The following PTPN12 variants were observed in gnomAD, a reference collection of about 807,000 sequenced individuals.
PTPN12 encodes tyrosine-protein phosphatase non-receptor type 12.
PTPN12 carries 29 observed loss-of-function variants against 97.6 expected under a neutral mutation model. The ratio of observed to expected loss-of-function variants is 0.30; its 90% confidence interval spans 0.22 to 0.41. The LOEUF is 0.41. PTPN12 is among the 10% of genes least tolerant of loss of function. PTPN12 has a pLI of 1.00. For synonymous variants in PTPN12, 327 were observed against 300.4 expected (o/e 1.09, Z -0.91); for missense variants, 819 against 926.0 (o/e 0.88, Z 1.50).
At chr7:77,615,891 C>T (rs1314671695) in intron 11 of PTPN12, among the ~76,000 whole-genome samples, 1 of 152,144 alleles carries the variant, frequency 6.6e-6, no homozygotes, top group Admixed American at 6.6e-5. Context: ...AGTCCAGTGA[C>T]CAGGAGGTTT....
chr7:77,589,503 TGTA>T (rs1349441670), intron 5 of PTPN12, among the ~76,000 whole-genome samples: 1 of 152,174 alleles, frequency 6.6e-6, no homozygotes, highest in Non-Finnish European at 1.5e-5. Flanking sequence ...TTAATACTAA[TGTA>T]GTTAATATAT....
At position 77,618,165 on chromosome 7, in the gene PTPN12, G is replaced by A. The variant is rs188294660; in HGVS notation, c.940-315G>A. ...TAGTGGTAGTGATGGCGGGGCGGGG[G>A]GATACTACGTTCTTTAATCCACATT... is the stretch of plus-strand genomic sequence containing the variant. On this transcript the variant is annotated intron_variant, in intron 11 of 17. Transcript: ENST00000248594. Among the ~76,000 whole-genome samples, 159 of 151,932 alleles carry A rather than the reference G, an allele frequency of 1.0e-3. 1 individual carries two copies. Among genetic ancestry groups the A allele is most frequent in the African/African-American group, 3.7e-3 (153 of 41,396 alleles).
At chr7:77,584,876 C>CAAAAA (rs932401569) in intron 4 of PTPN12, among the ~76,000 whole-genome samples, 2 of 88,596 alleles carry the variant, frequency 2.3e-5, no homozygotes, top group Admixed American at 1.2e-4. Context: ...GACTCCGTCT[C>CAAAAA]AAAAAAAAAA....
At chr7:77,601,283 T>C (rs531157583) in intron 8 of PTPN12, among the ~76,000 whole-genome samples, 1 of 152,322 alleles carries the variant, frequency 6.6e-6, no homozygotes, top group South Asian at 2.1e-4. Context: ...CTCAAACTCC[T>C]GGCCTGACGT....
intron 6 of PTPN12, among the ~76,000 whole-genome samples, chr7:77,593,733 A>G (rs895944742): frequency 6.6e-5 from 10 of 152,236 alleles, no homozygotes; most frequent in African/African-American, 2.2e-4. Context: ...ATCTTCTCCA[A>G]AAACAGTGTC....
intron 11 of PTPN12, among the ~76,000 whole-genome samples, chr7:77,611,775 G>A (rs1788577101): frequency 6.6e-6 from 1 of 152,094 alleles, no homozygotes. Flanking sequence ...TTTCAGTTAA[G>A]CAGAATTAAA....
At chr7:77,614,679 T>TA (rs1788692000) in intron 11 of PTPN12, among the ~76,000 whole-genome samples, 1 of 152,202 alleles carries the variant, frequency 6.6e-6, no homozygotes. Context: ...ACTCTTTTTA[T>TA]AGGATGGCTG....
At chr7:77,621,631 T>G (rs1788942324) in intron 12 of PTPN12, among the ~76,000 whole-genome samples, 1 of 151,850 alleles carries the variant, frequency 6.6e-6, no homozygotes, top group Non-Finnish European at 1.5e-5. Flanking sequence ...ATTGCACCAC[T>G]GGACTCCAGC....
Position 77,540,210 on chromosome 7 carries a change from G to C in PTPN12, c.99+2565G>C, listed in dbSNP as rs141089356. Among the ~76,000 whole-genome samples the C allele has an allele frequency of 2.0e-3, 309 of 151,656 alleles. 1 individual carries two copies. The highest frequency in any genetic ancestry group is 3.7e-3 in the Non-Finnish European group (248 of 67,886). On this transcript the variant is annotated intron_variant, in intron 1 of 17. Coordinates refer to ENST00000248594, the MANE Select transcript of PTPN12 (RefSeq NM_002835.4). The stretch of plus-strand genomic sequence containing the variant: ...TGGGGATGAGTCAGGGATTCCTATT[G>C]GAGAGTTCATTTCTTTCTTTCTTTC...
intron 1 of PTPN12, among the ~76,000 whole-genome samples, chr7:77,562,042 G>A (rs559314531): frequency 6.7e-6 from 1 of 148,174 alleles, no homozygotes; most frequent in Non-Finnish European, 1.5e-5. Flanking sequence ...TGCCCGCCTC[G>A]GCCTACCAAA....
intron 1 of PTPN12, among the ~76,000 whole-genome samples, chr7:77,560,836 T>C (rs950841950): frequency 1.3e-5 from 2 of 152,224 alleles, no homozygotes; most frequent in Non-Finnish European, 2.9e-5. Flanking sequence ...TTTTGGCTAT[T>C]GTGAATGCTC....
At chr7:77,561,264 G>A (rs2151308238) in intron 1 of PTPN12, among the ~76,000 whole-genome samples, 1 of 152,260 alleles carries the variant, frequency 6.6e-6, no homozygotes, top group East Asian at 1.9e-4. Context: ...AATGGTTCGA[G>A]TGGATTGCTA....
chr7:77,575,851 C>CT (rs1413893502), intron 2 of PTPN12, among the ~76,000 whole-genome samples: 3 of 151,998 alleles, frequency 2.0e-5, no homozygotes, highest in Non-Finnish European at 4.4e-5. Flanking sequence ...GTGTCTAGCT[C>CT]TTTTAACAGT....
rs114023832 is a variant in PTPN12, at chr7:77,573,202, T to C, written c.208+2016T>C. Among the ~76,000 whole-genome samples the C allele has an allele frequency of 5.3e-3, 809 of 152,036 alleles. 6 individuals carry two copies. The highest frequency in any genetic ancestry group is 0.018 in the African/African-American group (764 of 41,448). On this transcript the variant is annotated intron_variant, in intron 2 of 17. Transcript: ENST00000248594. ...ACATAGTAACCAATCATTAAGCTTT[T>C]GCAAAATACACTCCACTTTTCTCAC...
chr7:77,546,477 G>T (rs963831880), intron 1 of PTPN12, among the ~76,000 whole-genome samples: 3 of 152,132 alleles, frequency 2.0e-5, no homozygotes, highest in Admixed American at 2.0e-4. Context: ...TAGTATTTAA[G>T]TTTCTTTAGA....
At chr7:77,543,410 T>G (rs926810543) in intron 1 of PTPN12, among the ~76,000 whole-genome samples, 1 of 151,754 alleles carries the variant, frequency 6.6e-6, no homozygotes, top group African/African-American at 2.4e-5. Context: ...TCTATGTGTA[T>G]ATCCTCTTTA....
At chr7:77,564,742 TCG>T (rs1808158923) in intron 1 of PTPN12, among the ~76,000 whole-genome samples, 3 of 135,700 alleles carry the variant, frequency 2.2e-5, no homozygotes, top group African/African-American at 5.5e-5. Context: ...TTTTTTGTTG[TCG>T]TGTTTTTTTT....
intron 12 of PTPN12, among the ~76,000 whole-genome samples, chr7:77,625,472 G>GCTCGCGCCCTCT: frequency 3.0e-5 from 1 of 33,522 alleles, no homozygotes; most frequent in African/African-American, 1.3e-4. Flanking sequence ...CAGGCTGCTC[G>GCTCGCGCCCTCT]CTCTCTCTCT....
intron 1 of PTPN12, among the ~76,000 whole-genome samples, chr7:77,556,724 G>T (rs997003665): frequency 2.0e-5 from 3 of 152,036 alleles, no homozygotes; most frequent in Non-Finnish European, 4.4e-5. Flanking sequence ...CAGCTACTCG[G>T]GAGGCTGAGG....
Sources: gnomAD v4.1 joint callset for allele counts (sites outside exome capture counted in the v4.1 genomes callset) on GRCh38, gnomAD v4.1.1 for gene constraint, MANE v1.5 for transcripts, NCBI Gene and HGNC (gene_info 2026-07-23, HGNC 2026-07-21) for gene names.